Variants in SYNE2 observed in about 807,000 individuals in gnomAD.
SYNE2 encodes the protein spectrin repeat containing nuclear envelope protein 2.
In SYNE2, 431 loss-of-function variants were observed where a neutral mutation model predicts 856.3. The ratio of observed to expected loss-of-function variants is 0.50; its 90% CI spans 0.47 to 0.55. The LOEUF (loss-of-function observed/expected upper bound fraction) is 0.55. Among genes scored for constraint, SYNE2 ranks in the 20% least tolerant of loss-of-function variants. The pLI, the probability that SYNE2 is intolerant of heterozygous loss-of-function variation, is 0.00. For synonymous variants in SYNE2, 2,923 were observed against 2,872.3 expected (o/e 1.02, Z -0.56); for missense variants, 8,129 against 8,023.2 (o/e 1.01, Z -0.50).
intron 96 of SYNE2, among the ~76,000 whole-genome samples, chr14:64,178,321 A>G (rs1434768890): frequency 6.6e-6 from 1 of 152,374 alleles, no homozygotes; most frequent in East Asian, 1.9e-4. Flanking sequence ...AAAAAATTAA[A>G]AAGTATACAC....
At position 64,126,750 on chromosome 14, in the gene SYNE2, A is replaced by C; in HGVS notation, c.13860A>C (p.Ala4620=). Residue 4620 remains alanine (A), a synonymous_variant, in exon 73 of 116, where the codon GCA becomes GCC. Coordinates refer to ENST00000555002, the MANE Select transcript of SYNE2 (RefSeq NM_182914.3). ...TCTGCCTGGAGCACACTCAGGCTGC[A>C]GCTGTCTGTAGAAGCAAGTCCCTGA... The part of the protein sequence containing the change: ...LQVCLEHTQA[A]AVCRSKSLKA... The C allele has an allele frequency of 6.2e-7, 1 of 1,614,158 alleles. No individual in the cohort carries two copies.
At chr14:64,001,825 T>C (rs1363577041) in intron 28 of SYNE2, 109 bp from the exon 29 acceptor site, 4 of 1,226,342 alleles carry the variant, frequency 3.3e-6, no homozygotes, top group African/African-American at 1.5e-5. Flanking sequence ...TGTATGTCTG[T>C]TTATTGGATA....
At chr14:64,049,389 G>A (rs1051131609) in intron 46 of SYNE2, 11 of 177,342 alleles carry the variant, frequency 6.2e-5, no homozygotes, top group Admixed American at 3.2e-4. Flanking sequence ...TTAGGTTACA[G>A]TGAGCTATGA....
chr14:64,045,923 A>G (rs2097182995), intron 45 of SYNE2, among the ~76,000 whole-genome samples: 1 of 152,184 alleles, frequency 6.6e-6, no homozygotes, highest in Non-Finnish European at 1.5e-5. Flanking sequence ...AGTTTCCCCT[A>G]TTGTTAACAT....
At position 64,018,823 on chromosome 14, in the gene SYNE2, G is replaced by A. The variant is rs17101557; in HGVS notation, c.5049+1067G>A. Among the ~76,000 whole-genome samples the A allele has an allele frequency of 4.7e-4, 71 of 152,262 alleles. 2 individuals carry two copies. In the East Asian group the frequency reaches 9.6e-3, roughly 21 times the overall value. ...AAGATCAGAAAAAATACATGGCTGA[G>A]TATCACCATCTTTATAGAGCTTCAA... is the stretch of plus-strand genomic sequence containing the variant. On this transcript the variant is annotated intron_variant, in intron 34 of 115. Coordinates refer to ENST00000555002, the MANE Select transcript of SYNE2 (RefSeq NM_182914.3).
intron 2 of SYNE2, among the ~76,000 whole-genome samples, chr14:63,920,843 G>A (rs2095591558): frequency 1.3e-5 from 2 of 152,158 alleles, no homozygotes; most frequent in African/African-American, 4.8e-5. Context: ...GCCGGGTATG[G>A]TGGCTCATGC....
intron 2 of SYNE2, among the ~76,000 whole-genome samples, chr14:63,919,268 C>T (rs2095568523): frequency 6.6e-6 from 1 of 152,148 alleles, no homozygotes; most frequent in African/African-American, 2.4e-5. Flanking sequence ...ATGGTAAAGG[C>T]TGTGCAGAAG....
At chr14:64,063,745 G>A (rs1165623421) in intron 50 of SYNE2, among the ~76,000 whole-genome samples, 2 of 152,184 alleles carry the variant, frequency 1.3e-5, no homozygotes, top group Non-Finnish European at 2.9e-5. Context: ...TCAATATTGT[G>A]TTGGTGGTTG....
At chr14:64,073,793 CT>C (rs2097433132) in intron 52 of SYNE2, among the ~76,000 whole-genome samples, 174 bp from the exon 53 acceptor site, 1 of 152,128 alleles carries the variant, frequency 6.6e-6, no homozygotes, top group African/African-American at 2.4e-5. Context: ...GATTTTGTAC[CT>C]GTTTTTATAT....
chr14:64,080,256 T>G (rs375654839), intron 55 of SYNE2, among the ~76,000 whole-genome samples, 200 bp from the exon 56 acceptor site: 1 of 152,190 alleles, frequency 6.6e-6, no homozygotes, highest in Admixed American at 6.5e-5. Flanking sequence ...ATGAATACAG[T>G]TGTAGTTAGG....
At chr14:63,909,038 A>C in intron 1 of SYNE2, 60 bp from the exon 2 acceptor site, 1 of 838,614 alleles carries the variant, frequency 1.2e-6, no homozygotes, top group Non-Finnish European at 2.1e-6. Context: ...CTGGCAATGC[A>C]TGTTTACTAG....
At chr14:63,765,337 A>T (rs930540022) in intron 1 of SYNE2, among the ~76,000 whole-genome samples, 11 of 152,084 alleles carry the variant, frequency 7.2e-5, no homozygotes, top group Non-Finnish European at 7.4e-5. Context: ...ATTCATACTC[A>T]TATGCGATAG....
intron 1 of SYNE2, among the ~76,000 whole-genome samples, chr14:63,827,764 C>T (rs1283286416): frequency 2.7e-5 from 4 of 150,586 alleles, no homozygotes; most frequent in African/African-American, 4.9e-5. Context: ...AGGGGGAGAG[C>T]GGACTGATCT....
chr14:63,932,364 A>G (rs1184791862), intron 2 of SYNE2, among the ~76,000 whole-genome samples: 6 of 152,306 alleles, frequency 3.9e-5, no homozygotes, highest in African/African-American at 1.4e-4. Context: ...CCTGGGTGAC[A>G]AGAGTGAAAC....
At chr14:64,027,841 A>ATGTCTTGC in intron 43 of SYNE2, 48 bp downstream of exon 43, 4 of 1,396,068 alleles carry the variant, frequency 2.9e-6, no homozygotes, top group Non-Finnish European at 3.1e-6. Flanking sequence ...AATTATACAT[A>ATGTCTTGC]AGTATGCAAG....
At chr14:63,940,088 T>TTTTC (rs1555388562) in intron 2 of SYNE2, among the ~76,000 whole-genome samples, 3 of 149,660 alleles carry the variant, frequency 2.0e-5, no homozygotes, top group Non-Finnish European at 3.0e-5. Flanking sequence ...TTTTTTTTTT[T>TTTTC]CTTTCATGAA....
chr14:64,044,920 G>A (rs772469284), intron 45 of SYNE2, among the ~76,000 whole-genome samples: 9 of 151,930 alleles, frequency 5.9e-5, no homozygotes, highest in African/African-American at 1.7e-4. Flanking sequence ...ACATGCAAAC[G>A]GCCTGATACA....
At chr14:63,865,678 C>CT (rs960687301) in intron 1 of SYNE2, among the ~76,000 whole-genome samples, 5 of 147,324 alleles carry the variant, frequency 3.4e-5, no homozygotes, top group Non-Finnish European at 7.5e-5. Flanking sequence ...CGCCACTGCA[C>CT]TCCAGCCTGG....
At chr14:63,899,260 G>A (rs377618841) in intron 1 of SYNE2, among the ~76,000 whole-genome samples, 5 of 151,918 alleles carry the variant, frequency 3.3e-5, no homozygotes, top group Admixed American at 6.5e-5. Context: ...GGAGTGCAGT[G>A]TCACGATCTC....
Sources: gnomAD v4.1 joint callset for allele counts (sites outside exome capture counted in the v4.1 genomes callset) on GRCh38, gnomAD v4.1.1 for gene constraint, MANE v1.5 for transcripts, NCBI Gene and HGNC (gene_info 2026-07-23, HGNC 2026-07-21) for gene names.